PSMD9: variants seen among roughly 807,000 people sequenced by gnomAD.
The protein encoded by PSMD9 is proteasome 26S subunit, non-ATPase 9.
PSMD9 carries 26 observed loss-of-function variants against 25.9 expected under a neutral mutation model. The observed-to-expected ratio is 1.00, with a 90% confidence interval of 0.73 to 1.39. The LOEUF is 1.39. PSMD9 is among the 40% of genes most tolerant of loss of function. The pLI is 0.00. For missense variants in PSMD9, 303 were observed against 299.3 expected (o/e 1.01, Z -0.09); for synonymous variants, 110 against 114.5 (o/e 0.96, Z 0.25).
rs757566336 is a variant in PSMD9, at chr12:121,888,919, C to A, written c.63C>A (p.Ser21Arg). 2 of 1,595,896 alleles carry A rather than the reference C, an allele frequency of 1.3e-6. No homozygotes were observed. The highest frequency in any genetic ancestry group is 1.7e-6 in the Non-Finnish European group (2 of 1,172,052). ...CGCAGGCCGGCGTCGTGACTGTCAG[C>A]GACGTCCAGGAGCTGATGCGGCGCA... Reference protein sequence around the residue: ...GSSQAGVVTVSDVQELMRRKE... With the variant: ...GSSQAGVVTVRDVQELMRRKE... Residue 21 changes from serine to arginine, a missense_variant, in exon 1 of 6, where the codon AGC (serine) becomes AGA (arginine). Ser to Arg is a moderately radical substitution (Grantham distance 110, BLOSUM62 -1). Coordinates refer to ENST00000541212, the MANE Select transcript of PSMD9 (RefSeq NM_002813.7).
chr12:121,909,535 G>T, intron 4 of PSMD9, among the ~76,000 whole-genome samples: 1 of 151,310 alleles, frequency 6.6e-6, no homozygotes, highest in South Asian at 2.1e-4. Context: ...TGCCTAGGCC[G>T]GTCTAGAACT....
intron 4 of PSMD9, among the ~76,000 whole-genome samples, chr12:121,912,703 A>G (rs1383450343): frequency 6.6e-6 from 1 of 151,662 alleles, no homozygotes. Context: ...TGTCTCTGGA[A>G]AAAAATACAA....
chr12:121,905,197 G>A (rs950099606), intron 4 of PSMD9, among the ~76,000 whole-genome samples: 2 of 150,708 alleles, frequency 1.3e-5, no homozygotes, highest in Non-Finnish European at 2.9e-5. Flanking sequence ...TCAGTGTACA[G>A]TCCCATGAGT....
intron 4 of PSMD9, chr12:121,914,239 T>C (rs1879826044): frequency 6.6e-6 from 1 of 152,112 alleles, no homozygotes; most frequent in Admixed American, 6.5e-5. Context: ...GCTTTAATTT[T>C]AATTTTTTAA....
In PSMD9 at chr12:121,891,630, GC is replaced by G. The variant is rs1462666207; in HGVS notation, c.138+2637del. 4.6e-5 allele frequency among the ~76,000 whole-genome samples: 7 copies of G among 151,190 alleles called. No homozygotes were observed. The East Asian group carries it at 1.4e-3, about 29-fold the overall frequency. ...AAAAGAAAAAAAAAAAAAAGACTGG[GC>G]ATGGTGGCTCACGTCTGTAATCCCA... On this transcript the variant is annotated intron_variant, in intron 1 of 5. Transcript: ENST00000541212.
intron 1 of PSMD9, among the ~76,000 whole-genome samples, chr12:121,890,212 C>T (rs962712301): frequency 2.6e-5 from 4 of 152,212 alleles, no homozygotes; most frequent in South Asian, 2.1e-4. Flanking sequence ...CCACCGCGTC[C>T]GGCCATAAGA....
At chr12:121,902,747 A>G in intron 3 of PSMD9, 1 of 423,476 alleles carries the variant, frequency 2.4e-6, no homozygotes, top group South Asian at 2.2e-5. Context: ...AGTGTCTGGT[A>G]ACTGCCAGCT....
intron 4 of PSMD9, among the ~76,000 whole-genome samples, chr12:121,905,668 T>C (rs928122744): frequency 4.0e-5 from 6 of 151,804 alleles, no homozygotes; most frequent in Non-Finnish European, 8.8e-5. Flanking sequence ...GCTGGGATTA[T>C]AGGTGCCCAC....
In PSMD9 at chr12:121,916,095, G is replaced by A. The variant is rs183738843; in HGVS notation, c.644+151G>A. ...GCAGATAAATCCTCGTGGTAGGAAC[G>A]AGACTACAGCTCTAGAAGCAGAGGG... On this transcript the variant is annotated intron_variant, in intron 5 of 5. Transcript: ENST00000541212. 3.6e-5 allele frequency: 42 copies of A among 1,162,644 alleles called. No individual in the cohort carries two copies. The East Asian group carries it at 8.2e-4, about 23-fold the overall frequency. The allele number at this position is 1,162,644 out of a possible 1,614,324, so 72.0% of individuals were successfully genotyped here.
chr12:121,910,083 CTT>C (rs34940246), intron 4 of PSMD9, among the ~76,000 whole-genome samples: 2 of 95,562 alleles, frequency 2.1e-5, no homozygotes, highest in Non-Finnish European at 3.8e-5. Context: ...TAGGAAATGA[CTT>C]TTTTTTTTTT....
intron 2 of PSMD9, among the ~76,000 whole-genome samples, chr12:121,896,182 G>A (rs1044631085): frequency 6.6e-6 from 1 of 151,658 alleles, no homozygotes; most frequent in Non-Finnish European, 1.5e-5. Flanking sequence ...TGAAAAATCT[G>A]TTCTCGGCCG....
At chr12:121,909,469 A>C (rs1052703437) in intron 4 of PSMD9, among the ~76,000 whole-genome samples, 1 of 151,146 alleles carries the variant, frequency 6.6e-6, no homozygotes, top group Non-Finnish European at 1.5e-5. Context: ...GTGCACCACC[A>C]CACCTGGCTA....
chr12:121,894,705 A>T (rs1340010410), intron 1 of PSMD9, 34 bp from the exon 2 acceptor site: 2 of 1,583,204 alleles, frequency 1.3e-6, no homozygotes, highest in Non-Finnish European at 1.7e-6. Context: ...CATTACACCC[A>T]TGAGCACCTT....
chr12:121,913,156 C>T (rs897172913), intron 4 of PSMD9, among the ~76,000 whole-genome samples: 8 of 151,918 alleles, frequency 5.3e-5, no homozygotes, highest in African/African-American at 1.7e-4. Flanking sequence ...GTGTTAGCCA[C>T]GATGGTGTCA....
At chr12:121,903,759 T>C (rs1404423637) in intron 4 of PSMD9, among the ~76,000 whole-genome samples, 2 of 150,938 alleles carry the variant, frequency 1.3e-5, no homozygotes, top group African/African-American at 4.9e-5. Flanking sequence ...TTTCTTTTTT[T>C]TTTTTTTTTT....
intron 1 of PSMD9, among the ~76,000 whole-genome samples, chr12:121,893,020 G>A (rs574743680): frequency 6.6e-6 from 1 of 152,186 alleles, no homozygotes; most frequent in African/African-American, 2.4e-5. Flanking sequence ...AGCACCAAAT[G>A]GACACTTTTG....
intron 1 of PSMD9, among the ~76,000 whole-genome samples, chr12:121,889,821 C>T (rs1879009605): frequency 2.0e-5 from 3 of 152,090 alleles, no homozygotes; most frequent in Admixed American, 2.0e-4. Flanking sequence ...CTTATGCCAT[C>T]TAGTGTAAAA....
In PSMD9 at chr12:121,901,666, C is replaced by CTTTTTTTTTTTTTT. The variant is rs563939839; in HGVS notation, c.454-1326_454-1313dup. 1.2e-3 allele frequency among the ~76,000 whole-genome samples: 116 copies of CTTTTTTTTTTTTTT among 93,600 alleles called. 14 individuals are homozygous for CTTTTTTTTTTTTTT. The highest frequency in any genetic ancestry group is 4.5e-3 in the African/African-American group (76 of 16,982). The allele number at this position is 93,600 out of a possible 152,430, so 61.4% of individuals were successfully genotyped here. ...TGTCATGCCTGGCCCTTCATTCCTT[C>CTTTTTTTTTTTTTT]TTTTTTTTTTTTTTTTTTTTTTTTT... On this transcript the variant is annotated intron_variant, in intron 3 of 5. Transcript: ENST00000541212.
chr12:121,901,075 T>C (rs1879382338), intron 3 of PSMD9, among the ~76,000 whole-genome samples: 1 of 151,898 alleles, frequency 6.6e-6, no homozygotes, highest in Non-Finnish European at 1.5e-5. Context: ...TTCTACCACC[T>C]TGGCCTCCCA....
Sources: allele counts gnomAD v4.1 joint callset (sites outside exome capture counted in the v4.1 genomes callset), GRCh38; gene constraint gnomAD v4.1.1; transcripts MANE v1.5; gene names NCBI Gene and HGNC (gene_info 2026-07-23, HGNC 2026-07-21).